The following MRGBP variants were observed in gnomAD, a reference collection of about 807,000 sequenced individuals.
MRGBP encodes the protein MRG/MORF4L-binding protein.
A neutral mutation model predicts 21.5 loss-of-function variants in MRGBP; 5 were observed. The observed-to-expected ratio is 0.23, with a 90% CI of 0.12 to 0.49. The LOEUF (loss-of-function observed/expected upper bound fraction) is 0.49, where lower values mean the gene tolerates loss of function less well. MRGBP is among the 20% of genes least tolerant of loss of function. The pLI is 0.98. For synonymous variants in MRGBP, 118 were observed against 104.4 expected (o/e 1.13, Z -0.79); for missense variants, 227 against 277.4 (o/e 0.82, Z 1.29).
At chr20:62,798,774 T>C (rs1990391064) in intron 3 of MRGBP, 106 bp downstream of exon 3, 3 of 1,586,272 alleles carry the variant, frequency 1.9e-6, no homozygotes. Context: ...GGTGTGAGGG[T>C]CCAGCGCAGA....
chr20:62,797,328 G>C, intron 2 of MRGBP, 97 bp downstream of exon 2: 1 of 1,403,640 alleles, frequency 7.1e-7, no homozygotes, highest in Non-Finnish European at 9.4e-7. Flanking sequence ...GCCCCTCCAT[G>C]TCTGCTGGGG....
chr20:62,797,072 C>CTGCT (rs1555817419), intron 1 of MRGBP, 38 bp from the exon 2 acceptor site: 1 of 1,565,062 alleles, frequency 6.4e-7, no homozygotes, highest in South Asian at 1.2e-5. Context: ...TTTCTCCTCA[C>CTGCT]CGCTCACCGG....
At position 62,799,803 on chromosome 20, in the gene MRGBP, G is replaced by GCGGGGAAACGTGTGTGTCAGT. The variant is rs1347522099; in HGVS notation, c.*161_*181dup. On this transcript the variant is annotated 3_prime_UTR_variant, in exon 5 of 5. Transcript: ENST00000370487. ...GGCTCTCAGGTGAACGTGGCCGTCAGCGGGGAAACGTGTGTGTCAGTTGGA... is the reference window on the plus strand; with the variant it reads ...GGCTCTCAGGTGAACGTGGCCGTCAGCGGGGAAACGTGTGTGTCAGTCGGGGAAACGTGTGTGTCAGTTGGA... 1 of 747,854 alleles carries GCGGGGAAACGTGTGTGTCAGT rather than the reference G, an allele frequency of 1.3e-6. No individual in the cohort carries two copies. The highest frequency in any genetic ancestry group is 1.8e-5 in the African/African-American group (1 of 56,504). The allele number at this position is 747,854 out of a possible 1,614,324, so 46.3% of individuals were successfully genotyped here.
At chr20:62,799,252 CGGTCCCTGCAGTGCCCGCCGCAGGCA>C (rs1990402734) in intron 4 of MRGBP, among the ~76,000 whole-genome samples, 178 bp from the exon 5 acceptor site, 1 of 152,090 alleles carries the variant, frequency 6.6e-6, no homozygotes, top group African/African-American at 2.4e-5. Context: ...GTCTGAGCGG[CGGTCCCTGCAGTGCCCGCCGCAGGCA>C]GGTCCTCAGG....
At chr20:62,796,719 G>A in intron 1 of MRGBP, 48 bp downstream of exon 1, 1 of 1,216,868 alleles carries the variant, frequency 8.2e-7, no homozygotes. Context: ...CGGGCAACCG[G>A]CGGGGCGGGG....
At chr20:62,797,729 T>G (rs540207775) in intron 2 of MRGBP, among the ~76,000 whole-genome samples, 1 of 152,172 alleles carries the variant, frequency 6.6e-6, no homozygotes, top group Non-Finnish European at 1.5e-5. Flanking sequence ...TTTGGTGACT[T>G]CTGTGGGAGT....
intron 3 of MRGBP, 129 bp downstream of exon 3, chr20:62,798,797 TG>T (rs1990391730): frequency 6.4e-7 from 1 of 1,572,854 alleles, no homozygotes. Flanking sequence ...CCGCCCTACC[TG>T]TGCTTGGGTG....
At chr20:62,797,996 G>A (rs974981384) in intron 2 of MRGBP, among the ~76,000 whole-genome samples, 3 of 149,364 alleles carry the variant, frequency 2.0e-5, no homozygotes, top group Middle Eastern at 3.3e-3. Flanking sequence ...TGGACTCAGG[G>A]CCACACCGGC....
intron 1 of MRGBP, among the ~76,000 whole-genome samples, 168 bp from the exon 2 acceptor site, chr20:62,796,942 C>T (rs1345695266): frequency 7.5e-5 from 9 of 120,650 alleles, no homozygotes; most frequent in Non-Finnish European, 1.6e-4. Context: ...AGCCCACCCC[C>T]TCCCACACAC....
Position 62,796,520 on chromosome 20 carries a change from G to C in MRGBP, c.-4G>C. ...GGGGCTCCTTGCTCGGCCGGGCCGC[G>C]GCCATGGGAGAGGCCGAGGTGGGCG... is the stretch of plus-strand genomic sequence containing the variant. On this transcript the variant is annotated 5_prime_UTR_variant, in exon 1 of 5. Coordinates refer to ENST00000370487, the MANE Select transcript of MRGBP (RefSeq NM_018270.6). 1.7e-6 allele frequency: 2 copies of C among 1,151,648 alleles called. No homozygotes were observed. Among genetic ancestry groups the C allele is most frequent in the Non-Finnish European group, 2.1e-6 (2 of 935,838 alleles). 71.3% of individuals were successfully genotyped at this position (1,151,648 alleles called of 1,614,324 possible).
Position 62,796,791 on chromosome 20 carries a change from C to T in MRGBP, c.148+120C>T, listed in dbSNP as rs1990345271. The T allele has an allele frequency of 8.8e-6, 9 of 1,025,810 alleles. No individual in the cohort carries two copies. In the South Asian group the frequency reaches 3.3e-4, roughly 38 times the overall value. The allele number at this position is 1,025,810 out of a possible 1,614,324, so 63.5% of individuals were successfully genotyped here. A position where few individuals can be genotyped will look rare whatever the true frequency, so the allele number is the denominator to read the frequency against. The stretch of plus-strand genomic sequence containing the variant: ...CCCCGCCGAGCCCGGGCCGTGACAC[C>T]GCCGCCACACCCGTCCCGGGACCCC... On this transcript the variant is annotated intron_variant, in intron 1 of 4. Coordinates refer to ENST00000370487, the MANE Select transcript of MRGBP (RefSeq NM_018270.6).
rs554320509 is a variant in MRGBP at position 62,799,447 on chromosome 20, G to A, written c.428-9G>A. 78 of 1,599,590 alleles carry A rather than the reference G, an allele frequency of 4.9e-5. 1 individual carries two copies. The South Asian group carries it at 6.8e-4, about 14-fold the overall frequency. Reference sequence around the variant, plus strand: ...TCTGTTTTCAGCCAAGTGATTTTTCGTTTCTCAGTTTTTTCATCTTCAGGG... The same window carrying A: ...TCTGTTTTCAGCCAAGTGATTTTTCATTTCTCAGTTTTTTCATCTTCAGGG... On this transcript the variant is annotated splice_polypyrimidine_tract_variant and intron_variant, in intron 4 of 4. Transcript: ENST00000370487.
Position 62,796,495 on chromosome 20 carries a change from G to A in MRGBP, c.-29G>A, listed in dbSNP as rs1990335659. ...CTCGTGGCCGCGCCTGCTCCCGCCG[G>A]GGGCTCCTTGCTCGGCCGGGCCGCG... On this transcript the variant is annotated 5_prime_UTR_variant, in exon 1 of 5. Transcript: ENST00000370487. 5 of 1,123,002 alleles carry A rather than the reference G, an allele frequency of 4.5e-6. No homozygotes were observed. Among genetic ancestry groups the A allele is most frequent in the Non-Finnish European group, 5.4e-6 (5 of 918,230 alleles). The allele number at this position is 1,123,002 out of a possible 1,614,324, so 69.6% of individuals were successfully genotyped here.
chr20:62,797,122 A>G lies in MRGBP; in HGVS notation c.161A>G (p.His54Arg). ...LGHKPVGVNRHFHMICIRDKF... is the reference protein window; with the variant it reads ...LGHKPVGVNRRFHMICIRDKF... ...CTCCTCCCCTCAGGTGTGAACCGAC[A>G]CTTCCACATGATTTGTATTCGGGAC... The change falls in exon 2 of 5, where the codon CAC becomes CGC. Residue 54 changes from histidine (H) to arginine (R), a missense_variant. His to Arg is a conservative substitution (Grantham distance 29, BLOSUM62 0). Transcript: ENST00000370487. 1 of 1,598,338 alleles carries G rather than the reference A, an allele frequency of 6.3e-7. No individual in the cohort carries two copies. The highest frequency in any genetic ancestry group is 8.5e-7 in the Non-Finnish European group (1 of 1,174,828).
rs1412443804 is a variant in MRGBP at position 62,801,390 on chromosome 20, C to T, written c.*1747C>T. 2 of 152,486 alleles carry T rather than the reference C, an allele frequency of 1.3e-5. No homozygotes were observed. Among genetic ancestry groups the T allele is most frequent in the South Asian group, 2.1e-4 (1 of 4,842 alleles). The allele number at this position is 152,486 out of a possible 1,614,324, so 9.4% of individuals were successfully genotyped here. A position where few individuals can be genotyped will look rare whatever the true frequency, so the allele number is the denominator to read the frequency against. Reference sequence around the variant, plus strand: ...GCCTGGCATTCCTCCACTCACAGCACAAATACTCAGCCCTGCAGCCAGGGA... The same window carrying T: ...GCCTGGCATTCCTCCACTCACAGCATAAATACTCAGCCCTGCAGCCAGGGA... On this transcript the variant is annotated 3_prime_UTR_variant, in exon 5 of 5. Transcript: ENST00000370487.
chr20:62,799,920 G>A lies in MRGBP; in HGVS notation c.*277G>A. On this transcript the variant is annotated 3_prime_UTR_variant, in exon 5 of 5. Coordinates refer to ENST00000370487, the MANE Select transcript of MRGBP (RefSeq NM_018270.6). ...GCCTAGTTCTGTCTTCTCTGGAGCA[G>A]CTGTGGCTTCCCCGTGGCTGCTTGG... 1 of 381,096 alleles carries A rather than the reference G, an allele frequency of 2.6e-6. No homozygotes were observed. Among genetic ancestry groups the A allele is most frequent in the South Asian group, 7.6e-5 (1 of 13,116 alleles). 23.6% of individuals were successfully genotyped at this position (381,096 alleles called of 1,614,324 possible).
chr20:62,797,027 T>C (rs545980859), intron 1 of MRGBP, 83 bp from the exon 2 acceptor site: 4 of 917,248 alleles, frequency 4.4e-6, no homozygotes, highest in East Asian at 1.7e-4. Flanking sequence ...CCCTTGCCCC[T>C]CCAGTCCCCA....
At position 62,799,657 on chromosome 20, in the gene MRGBP, G is replaced by C; in HGVS notation, c.*14G>C. 6.2e-7 allele frequency: 1 copy of C among 1,601,336 alleles called. No homozygotes were observed. The highest frequency in any genetic ancestry group is 8.5e-7 in the Non-Finnish European group (1 of 1,172,864). On this transcript the variant is annotated 3_prime_UTR_variant, in exon 5 of 5. Transcript: ENST00000370487. ...CGCCGCACGTAGACCCTCAGCCCTG[G>C]TGGCGGCAGAGAAGCGGGCGAGGCA... is the stretch of plus-strand genomic sequence containing the variant.
In MRGBP at chr20:62,798,585, A is replaced by C; in HGVS notation, c.271-2A>C. The stretch of plus-strand genomic sequence containing the variant: ...TAAACAAAACTCTCTATTTGATATC[A>C]GCATGAGTCTGAGATTCTTCCATTC... On this transcript the variant is annotated splice_acceptor_variant, in intron 2 of 4. Coordinates refer to ENST00000370487, the MANE Select transcript of MRGBP (RefSeq NM_018270.6). LOFTEE classifies it high-confidence loss of function. 6.2e-7 allele frequency: 1 copy of C among 1,612,470 alleles called. No homozygotes were observed.
Sources: gnomAD v4.1 joint callset for allele counts (sites outside exome capture counted in the v4.1 genomes callset) on GRCh38, gnomAD v4.1.1 for gene constraint, MANE v1.5 for transcripts, NCBI Gene and HGNC (gene_info 2026-07-23, HGNC 2026-07-21) for gene names.